Variants in ACSL4 observed in about 807,000 individuals in gnomAD.
ACSL4 encodes acyl-CoA synthetase long chain family member 4.
A neutral mutation model predicts 49.1 loss-of-function variants in ACSL4; 9 were observed. That is an observed-to-expected ratio of 0.18 (90% confidence interval 0.11 to 0.32). The LOEUF (loss-of-function observed/expected upper bound fraction) is 0.32, where lower values mean the gene tolerates loss of function less well. ACSL4 is among the 10% of genes least tolerant of loss of function. The pLI is 1.00. For synonymous variants in ACSL4, 191 were observed against 170.3 expected (o/e 1.12, Z -0.95); for missense variants, 333 against 493.7 (o/e 0.67, Z 3.08).
At chrX:109,654,812 A>AT (rs1205535965) in intron 15 of ACSL4, among the ~76,000 whole-genome samples, 1 of 112,068 alleles carries the variant, frequency 8.9e-6, no homozygotes, top group African/African-American at 3.3e-5. Context: ...CCCGCACCCT[A>AT]TGCTGCTCTT....
intron 2 of ACSL4, chrX:109,692,230 G>C (rs2147470749): frequency 9.0e-6 from 1 of 111,644 alleles, no homozygotes; most frequent in Admixed American, 9.5e-5. Context: ...GTTATAATCA[G>C]TATCCTATCT....
chrX:109,657,173 G>A (rs1047744230), intron 15 of ACSL4, among the ~76,000 whole-genome samples: 7 of 111,617 alleles, frequency 6.3e-5, no homozygotes, highest in South Asian at 3.7e-4. Flanking sequence ...ACACACAACC[G>A]CCTGCTGGAC....
At chrX:109,698,596 T>C (rs1054983784) in intron 1 of ACSL4, among the ~76,000 whole-genome samples, 2 of 111,075 alleles carry the variant, frequency 1.8e-5, no homozygotes, top group Non-Finnish European at 3.8e-5. Context: ...ATTGTTTGTT[T>C]TGACCTAACA....
At position 109,643,907 on chromosome X, in the gene ACSL4, T is replaced by C. The variant is rs936026399; in HGVS notation, c.*122A>G. On this transcript the variant is annotated 3_prime_UTR_variant, in exon 16 of 16. Coordinates refer to ENST00000672401, the MANE Select transcript of ACSL4 (RefSeq NM_001318510.2). ...TTTAATAACTTTTGGTTTTGTTTTC[T>C]TTTTACTCTATCTTTAGAATGATAT... The C allele has an allele frequency of 9.1e-5, 80 of 881,439 alleles. No homozygotes were observed. Among genetic ancestry groups the C allele is most frequent in the Non-Finnish European group, 1.2e-4 (76 of 612,069 alleles). The allele number at this position is 881,439 out of a possible 1,213,427, so 72.6% of individuals were successfully genotyped here. A position where few individuals can be genotyped will look rare whatever the true frequency, so the allele number is the denominator to read the frequency against.
At chrX:109,644,220 G>T (rs913126385) in intron 15 of ACSL4, 34 bp from the exon 16 acceptor site, 4 of 1,178,188 alleles carry the variant, frequency 3.4e-6, no homozygotes, top group Non-Finnish European at 4.6e-6. Flanking sequence ...GAGAAAAGGA[G>T]AGGGGGGGAA....
Position 109,649,652 on chromosome X carries a change from C to T in ACSL4, c.1856-5466G>A, listed in dbSNP as rs1442327713. On this transcript the variant is annotated intron_variant, in intron 15 of 15. Coordinates refer to ENST00000672401, the MANE Select transcript of ACSL4 (RefSeq NM_001318510.2). ...ATGTCTAAAACACCAAAAGCAATGG[C>T]AACAAAAGCCAAAATTGACAAATGG... Among the ~76,000 whole-genome samples, 9 of 110,823 alleles carry T rather than the reference C, an allele frequency of 8.1e-5. No homozygotes were observed. The Admixed American group carries it at 8.6e-4, about 11-fold the overall frequency.
At chrX:109,727,192 C>A (rs1454658580) in intron 1 of ACSL4, among the ~76,000 whole-genome samples, 1 of 112,019 alleles carries the variant, frequency 8.9e-6, no homozygotes, top group African/African-American at 3.2e-5. Context: ...CCATTTTCAA[C>A]ATTACACTTA....
At chrX:109,670,958 G>A (rs1227252864) in intron 9 of ACSL4, among the ~76,000 whole-genome samples, 2 of 112,278 alleles carry the variant, frequency 1.8e-5, no homozygotes, top group Non-Finnish European at 1.9e-5. Flanking sequence ...GTGCAGTGGC[G>A]TGATCTCGGC....
intron 9 of ACSL4, among the ~76,000 whole-genome samples, chrX:109,673,490 CTTCT>C (rs1923437965): frequency 2.7e-5 from 3 of 112,389 alleles, no homozygotes; most frequent in South Asian, 7.4e-4. Context: ...TCAGATGCCT[CTTCT>C]TTCTGTTTGA....
intron 6 of ACSL4, among the ~76,000 whole-genome samples, chrX:109,679,389 G>C (rs1356965236): frequency 8.9e-6 from 1 of 111,844 alleles, no homozygotes; most frequent in African/African-American, 3.3e-5. Context: ...AGTTTAACAG[G>C]ATTATCACAT....
chrX:109,648,852 A>C (rs1934870598), intron 15 of ACSL4, among the ~76,000 whole-genome samples: 1 of 98,682 alleles, frequency 1.0e-5, no homozygotes, highest in East Asian at 3.1e-4. Context: ...TCAATGTACA[A>C]AAATCACAAG....
intron 15 of ACSL4, among the ~76,000 whole-genome samples, chrX:109,658,322 A>C (rs1347122516): frequency 1.8e-5 from 2 of 111,057 alleles, no homozygotes; most frequent in Non-Finnish European, 3.8e-5. Flanking sequence ...ACCACCCCCC[A>C]GTCTAGGTAT....
chrX:109,697,814 AC>A (rs1044003324), intron 1 of ACSL4, among the ~76,000 whole-genome samples: 3 of 108,084 alleles, frequency 2.8e-5, no homozygotes, highest in Non-Finnish European at 5.7e-5. Context: ...CTATATAAAA[AC>A]GTACACATTT....
At chrX:109,646,480 T>C (rs1426001051) in intron 15 of ACSL4, among the ~76,000 whole-genome samples, 1 of 109,016 alleles carries the variant, frequency 9.2e-6, no homozygotes, top group Non-Finnish European at 1.9e-5. Context: ...CTGAGAGATT[T>C]TGTCACCACC....
chrX:109,645,227 A>C (rs1934616408), intron 15 of ACSL4, among the ~76,000 whole-genome samples: 1 of 113,021 alleles, frequency 8.8e-6, no homozygotes, highest in South Asian at 3.6e-4. Flanking sequence ...CAGGGCACAG[A>C]CAAACAAAAA....
intron 8 of ACSL4, 91 bp downstream of exon 8, chrX:109,677,897 T>C: frequency 8.7e-7 from 1 of 1,144,803 alleles, no homozygotes; most frequent in Non-Finnish European, 1.2e-6. Context: ...AAGCTTTAGC[T>C]GAATTAAAAT....
intron 2 of ACSL4, among the ~76,000 whole-genome samples, chrX:109,687,275 G>A (rs1924688866): frequency 8.9e-6 from 1 of 112,296 alleles, no homozygotes; most frequent in Admixed American, 9.4e-5. Flanking sequence ...AAGAGTTGGT[G>A]GTAAGGGTAT....
At chrX:109,646,565 T>C (rs1380305740) in intron 15 of ACSL4, among the ~76,000 whole-genome samples, 3 of 109,102 alleles carry the variant, frequency 2.7e-5, no homozygotes, top group Admixed American at 2.0e-4. Context: ...CACTGCAAAA[T>C]CATGCCAAAA....
chrX:109,723,555 G>C (rs1199956759), intron 1 of ACSL4, among the ~76,000 whole-genome samples: 1 of 111,704 alleles, frequency 9.0e-6, no homozygotes, highest in Non-Finnish European at 1.9e-5. Flanking sequence ...GTCTAACCAA[G>C]AGGCTTTTCT....
Sources: gnomAD v4.1 joint callset for allele counts (sites outside exome capture counted in the v4.1 genomes callset) on GRCh38, gnomAD v4.1.1 for gene constraint, MANE v1.5 for transcripts, NCBI Gene and HGNC (gene_info 2026-07-23, HGNC 2026-07-21) for gene names.